The following KLHL1 variants were observed in gnomAD, a reference collection of about 807,000 sequenced individuals.
KLHL1 encodes kelch like family member 1, also known as kelch-like protein 1.
KLHL1 carries 47 observed loss-of-function variants against 77.7 expected under a neutral mutation model. The observed-to-expected ratio is 0.60, with a 90% CI of 0.48 to 0.77. The LOEUF (loss-of-function observed/expected upper bound fraction) is 0.77, where lower values mean the gene tolerates loss of function less well. Among genes scored for constraint, KLHL1 ranks in the 30% least tolerant of loss-of-function variants. KLHL1 has a pLI of 0.00. For missense variants in KLHL1, 925 were observed against 910.8 expected (o/e 1.02, Z -0.20); for synonymous variants, 360 against 325.2 (o/e 1.11, Z -1.15).
intron 2 of KLHL1, among the ~76,000 whole-genome samples, chr13:69,967,718 C>G (rs771755790): frequency 5.2e-4 from 79 of 152,106 alleles, no homozygotes; most frequent in Non-Finnish European, 1.0e-3. Context: ...AACCCCGTCT[C>G]TACTAAAAAT....
intron 2 of KLHL1, 136 bp from the exon 3 acceptor site, chr13:69,961,580 T>A: frequency 1.1e-6 from 1 of 906,406 alleles, no homozygotes; most frequent in South Asian, 1.8e-5. Flanking sequence ...GCCTCATGAG[T>A]TGTACTTTAC....
intron 8 of KLHL1, among the ~76,000 whole-genome samples, chr13:69,730,688 CAGCCCCTCAGCCTCTTAA>C (rs1417542555): frequency 6.6e-6 from 1 of 152,044 alleles, no homozygotes; most frequent in African/African-American, 2.4e-5. Flanking sequence ...CCTCTCACCT[CAGCCCCTCAGCCTCTTAA>C]GTAGCTTTAA....
chr13:69,887,083 T>C, intron 4 of KLHL1, among the ~76,000 whole-genome samples: 1 of 152,184 alleles, frequency 6.6e-6, no homozygotes, highest in Non-Finnish European at 1.5e-5. Flanking sequence ...ATGAAAAATA[T>C]AATCTTTGGG....
chr13:70,057,770 G>A (rs555101530), intron 1 of KLHL1, among the ~76,000 whole-genome samples: 11 of 99,282 alleles, frequency 1.1e-4, no homozygotes, highest in South Asian at 4.1e-4. Context: ...GCGACAGAGC[G>A]AGACTCCGTC....
chr13:70,034,380 T>TGA (rs1886188600), intron 1 of KLHL1, among the ~76,000 whole-genome samples: 1 of 151,734 alleles, frequency 6.6e-6, no homozygotes, highest in Non-Finnish European at 1.5e-5. Context: ...GTCAGAGGAG[T>TGA]GAGAAAAAAA....
At chr13:69,814,197 GA>G (rs1358319251) in intron 6 of KLHL1, among the ~76,000 whole-genome samples, 1 of 152,052 alleles carries the variant, frequency 6.6e-6, no homozygotes, top group South Asian at 2.1e-4. Context: ...ACCATACGCA[GA>G]AAAATGAAAC....
intron 1 of KLHL1, among the ~76,000 whole-genome samples, chr13:70,099,498 C>G (rs1593743171): frequency 6.6e-6 from 1 of 151,884 alleles, no homozygotes; most frequent in East Asian, 1.9e-4. Context: ...ATTTCAGCAT[C>G]AAATTCTGTA....
At chr13:69,872,258 AG>A (rs1880613314) in intron 5 of KLHL1, among the ~76,000 whole-genome samples, 1 of 152,134 alleles carries the variant, frequency 6.6e-6, no homozygotes, top group Non-Finnish European at 1.5e-5. Flanking sequence ...GTAAGTACAT[AG>A]GGGGGACTCC....
At chr13:69,722,301 C>T (rs1206035391) in intron 8 of KLHL1, among the ~76,000 whole-genome samples, 1 of 151,886 alleles carries the variant, frequency 6.6e-6, no homozygotes, top group Non-Finnish European at 1.5e-5. Context: ...AATAATAGAT[C>T]ATACATTTTC....
intron 1 of KLHL1, among the ~76,000 whole-genome samples, chr13:70,060,019 A>G (rs900449409): frequency 4.6e-5 from 7 of 152,166 alleles, no homozygotes; most frequent in Non-Finnish European, 7.4e-5. Context: ...AATCCAAACC[A>G]TATCACTCTC....
intron 2 of KLHL1, among the ~76,000 whole-genome samples, chr13:69,973,677 T>C (rs927348409): frequency 1.3e-5 from 2 of 151,998 alleles, no homozygotes; most frequent in African/African-American, 4.8e-5. Context: ...AAAGTATCAG[T>C]AAAGTAGTAT....
At chr13:69,901,350 CT>C (rs1431269042) in intron 4 of KLHL1, among the ~76,000 whole-genome samples, 2 of 152,090 alleles carry the variant, frequency 1.3e-5, no homozygotes, top group Non-Finnish European at 2.9e-5. Flanking sequence ...TTACACTTAA[CT>C]TTGTTTGTTG....
chr13:70,084,422 T>C (rs913151906), intron 1 of KLHL1, among the ~76,000 whole-genome samples: 1 of 151,138 alleles, frequency 6.6e-6, no homozygotes, highest in Non-Finnish European at 1.5e-5. Flanking sequence ...TGCTTCATTA[T>C]TGACATTCCA....
chr13:69,708,746 C>T (rs1875747361), intron 9 of KLHL1, among the ~76,000 whole-genome samples: 1 of 151,890 alleles, frequency 6.6e-6, no homozygotes, highest in Admixed American at 6.6e-5. Context: ...CGTACCTTTG[C>T]CTTTGGCCCA....
intron 1 of KLHL1, among the ~76,000 whole-genome samples, chr13:70,094,728 G>A (rs1468437412): frequency 1.3e-5 from 2 of 151,954 alleles, no homozygotes; most frequent in Admixed American, 6.6e-5. Flanking sequence ...TTCCTTAGCC[G>A]GCCAAGTGTT....
chr13:70,105,813 A>C (rs936315113), intron 1 of KLHL1, among the ~76,000 whole-genome samples: 7 of 150,974 alleles, frequency 4.6e-5, no homozygotes, highest in African/African-American at 1.4e-4. Context: ...AAAATATTTC[A>C]CTTAATGGAA....
chr13:69,846,678 G>C (rs1879470719), intron 5 of KLHL1, among the ~76,000 whole-genome samples: 1 of 151,158 alleles, frequency 6.6e-6, no homozygotes, highest in Admixed American at 6.6e-5. Flanking sequence ...CATTAAATTT[G>C]TTACTATAAT....
At chr13:69,813,886 A>C (rs1878008690) in intron 6 of KLHL1, among the ~76,000 whole-genome samples, 1 of 152,198 alleles carries the variant, frequency 6.6e-6, no homozygotes, top group South Asian at 2.1e-4. Flanking sequence ...TCACAGACTT[A>C]GAAGAACTTT....
chr13:69,909,383 T>C (rs187441938), intron 4 of KLHL1, among the ~76,000 whole-genome samples: 10 of 152,038 alleles, frequency 6.6e-5, no homozygotes, highest in Admixed American at 1.3e-4. Flanking sequence ...TTTTACATTA[T>C]ACTATTCCAA....
Sources: gnomAD v4.1 joint callset for allele counts (sites outside exome capture counted in the v4.1 genomes callset) on GRCh38, gnomAD v4.1.1 for gene constraint, MANE v1.5 for transcripts, NCBI Gene and HGNC (gene_info 2026-07-23, HGNC 2026-07-21) for gene names.